TXNRD2: variants seen among roughly 807,000 people sequenced by gnomAD.
TXNRD2 encodes the protein thioredoxin reductase 2, mitochondrial.
TXNRD2 carries 67 observed loss-of-function variants against 70.8 expected under a neutral mutation model. The observed-to-expected ratio is 0.95, with a 90% CI of 0.78 to 1.16. The LOEUF (loss-of-function observed/expected upper bound fraction) is 1.16, where lower values mean the gene tolerates loss of function less well. TXNRD2 is among the 50% of genes most tolerant of loss of function. The pLI is 0.00. For synonymous variants in TXNRD2, 301 were observed against 295.8 expected, an observed-to-expected ratio of 1.02 and a Z score of -0.18; for missense variants, 644 against 719.9, an observed-to-expected ratio of 0.89 and a Z score of 1.21.
intron 11 of TXNRD2, among the ~76,000 whole-genome samples, chr22:19,893,034 G>C (rs760869831): frequency 1.1e-4 from 17 of 152,238 alleles, no homozygotes; most frequent in Non-Finnish European, 2.1e-4. Context: ...CTCTGCGCTT[G>C]TGTCCACTGC....
rs948629071 is a variant in TXNRD2, at chr22:19,911,361, C to T, written c.662+16G>A. On this transcript the variant is annotated intron_variant, in intron 8 of 17. Coordinates refer to ENST00000400521, the MANE Select transcript of TXNRD2 (RefSeq NM_006440.5). ...TGAACAAAAAGAGGACCCCACCAAG[C>T]ACGCGCAGGCCTTACGTTTTTCCAG... 3 of 1,608,862 alleles carry T rather than the reference C, an allele frequency of 1.9e-6. No individual in the cohort carries two copies. Among genetic ancestry groups the T allele is most frequent in the Middle Eastern group, 3.3e-4 (2 of 6,054 alleles).
At chr22:19,885,315 A>G (rs1158011322) in intron 11 of TXNRD2, among the ~76,000 whole-genome samples, 1 of 152,188 alleles carries the variant, frequency 6.6e-6, no homozygotes, top group East Asian at 1.9e-4. Flanking sequence ...GGCTGGGACA[A>G]ACCAGCTGCT....
intron 10 of TXNRD2, among the ~76,000 whole-genome samples, chr22:19,897,292 A>G (rs1454116027): frequency 6.6e-6 from 1 of 152,122 alleles, no homozygotes; most frequent in Non-Finnish European, 1.5e-5. Flanking sequence ...CTGTGAGCTG[A>G]GGGTCGGCCG....
Position 19,919,024 on chromosome 22 carries a change from C to T in TXNRD2, c.230-20G>A, listed in dbSNP as rs753868332. The T allele has an allele frequency of 6.2e-7, 1 of 1,604,390 alleles. No individual in the cohort carries two copies. The highest frequency in any genetic ancestry group is 1.1e-5 in the South Asian group (1 of 90,876). ...GGGTGCCTGGGACGTGGGAAGAGCA[C>T]ATTTGAATTTATGTTCAGGTGACTG... On this transcript the variant is annotated intron_variant, in intron 3 of 17. Coordinates refer to ENST00000400521, the MANE Select transcript of TXNRD2 (RefSeq NM_006440.5).
intron 8 of TXNRD2, among the ~76,000 whole-genome samples, chr22:19,909,874 T>TACTCA (rs1940303624): frequency 1.5e-4 from 6 of 40,634 alleles, no homozygotes; most frequent in African/African-American, 3.4e-4. Flanking sequence ...CACACACCAC[T>TACTCA]CACACACACC....
At chr22:19,938,497 T>C (rs1410882857) in intron 1 of TXNRD2, among the ~76,000 whole-genome samples, 1 of 152,226 alleles carries the variant, frequency 6.6e-6, no homozygotes, top group African/African-American at 2.4e-5. Context: ...CTGGGGCTGA[T>C]GTTTCTATTA....
chr22:19,876,105 C>CCG (rs1358341153), intron 17 of TXNRD2: 1 of 152,410 alleles, frequency 6.6e-6, no homozygotes, highest in Non-Finnish European at 1.5e-5. Flanking sequence ...GCGGCCCCGC[C>CCG]GGGGGGAGGC....
intron 2 of TXNRD2, among the ~76,000 whole-genome samples, chr22:19,929,326 CAAAAAA>C (rs34528546): frequency 1.2e-5 from 1 of 84,424 alleles, no homozygotes; most frequent in Non-Finnish European, 2.3e-5. Flanking sequence ...GACTCCATCT[CAAAAAA>C]AAAAAAAAAA....
At chr22:19,891,168 C>T (rs1303809246) in intron 11 of TXNRD2, among the ~76,000 whole-genome samples, 1 of 152,260 alleles carries the variant, frequency 6.6e-6, no homozygotes, top group Non-Finnish European at 1.5e-5. Context: ...GAAATAGCTT[C>T]AGTGGCTGGG....
chr22:19,877,947 G>C, intron 16 of TXNRD2, 143 bp downstream of exon 16: 1 of 748,510 alleles, frequency 1.3e-6, no homozygotes. Context: ...CCTGTCTGAG[G>C]GGCCTGAGGA....
intron 11 of TXNRD2, chr22:19,894,920 G>A (rs975628150): frequency 2.7e-5 from 33 of 1,214,050 alleles, no homozygotes; most frequent in Admixed American, 2.5e-4. Flanking sequence ...CCCGGGAGGC[G>A]GAGGTTGCCA....
chr22:19,910,287 C>T (rs1406712252), intron 8 of TXNRD2, among the ~76,000 whole-genome samples: 2 of 152,220 alleles, frequency 1.3e-5, no homozygotes, highest in Non-Finnish European at 2.9e-5. Flanking sequence ...GCTAGCCTCC[C>T]TTCCACAATC....
Position 19,931,224 on chromosome 22 carries a change from G to C in TXNRD2, c.104-126C>G, listed in dbSNP as rs1032381104. 6.0e-6 allele frequency: 5 copies of C among 836,724 alleles called. No individual in the cohort carries two copies. In the African/African-American group the frequency reaches 8.3e-5, roughly 14 times the overall value. 51.8% of individuals were successfully genotyped at this position (836,724 alleles called of 1,614,324 possible). The stretch of plus-strand genomic sequence containing the variant: ...GGGTGACAAGACACCACACAACAGA[G>C]CAGAAAGAGTGACTCGATACACATA... On this transcript the variant is annotated intron_variant, in intron 1 of 17. Transcript: ENST00000400521.
chr22:19,889,858 T>C (rs1274168291), intron 11 of TXNRD2, among the ~76,000 whole-genome samples: 1 of 152,082 alleles, frequency 6.6e-6, no homozygotes, highest in African/African-American at 2.4e-5. Flanking sequence ...TGCATGGTAA[T>C]ATGCATAAAT....
chr22:19,928,416 G>A (rs7290448), intron 2 of TXNRD2, among the ~76,000 whole-genome samples: 34,627 of 152,002 alleles, frequency 0.23, 4,468 homozygotes, highest in African/African-American at 0.35. Flanking sequence ...CGACACTCGC[G>A]CCAACGAAGA....
chr22:19,905,217 C>T (rs1939954289), intron 8 of TXNRD2, among the ~76,000 whole-genome samples: 1 of 152,168 alleles, frequency 6.6e-6, no homozygotes, highest in East Asian at 1.9e-4. Context: ...AAAACCATTT[C>T]CTCACATAAA....
At chr22:19,929,703 C>T (rs529828513) in intron 2 of TXNRD2, among the ~76,000 whole-genome samples, 3 of 152,244 alleles carry the variant, frequency 2.0e-5, no homozygotes, top group East Asian at 1.9e-4. Flanking sequence ...TTGTTTCAGC[C>T]GCCCAGTCTG....
chr22:19,924,685 T>C (rs1438047058), intron 2 of TXNRD2, among the ~76,000 whole-genome samples: 1 of 152,164 alleles, frequency 6.6e-6, no homozygotes, highest in Non-Finnish European at 1.5e-5. Flanking sequence ...GAATCTTTTA[T>C]TGGTGGGTTT....
chr22:19,912,996 A>G (rs370382709), intron 7 of TXNRD2, among the ~76,000 whole-genome samples: 2 of 152,318 alleles, frequency 1.3e-5, no homozygotes, highest in African/African-American at 4.8e-5. Context: ...GCTTGGCTGC[A>G]GCCTACTTAG....
Sources: gnomAD v4.1 joint callset for allele counts (sites outside exome capture counted in the v4.1 genomes callset) on GRCh38, gnomAD v4.1.1 for gene constraint, MANE v1.5 for transcripts, NCBI Gene and HGNC (gene_info 2026-07-23, HGNC 2026-07-21) for gene names.